The following GRID2 variants were observed in gnomAD, a reference collection of about 807,000 sequenced individuals.
GRID2 encodes glutamate ionotropic receptor delta type subunit 2.
Under a neutral mutation model 114.8 loss-of-function variants are expected in GRID2, and 33 were observed. The observed-to-expected ratio is 0.29, with a 90% CI of 0.22 to 0.38. The LOEUF (loss-of-function observed/expected upper bound fraction) is 0.38, where lower values mean the gene tolerates loss of function less well. Among genes scored for constraint, GRID2 ranks in the 10% least tolerant of loss-of-function variants. The pLI, the probability that GRID2 is intolerant of heterozygous loss-of-function variation, is 1.00. For synonymous variants in GRID2, 505 were observed against 449.9 expected, an observed-to-expected ratio of 1.12 and a Z score of -1.55; for missense variants, 1,184 against 1,257.7, an observed-to-expected ratio of 0.94 and a Z score of 0.89.
chr4:92,477,388 A>C (rs1367297265), intron 1 of GRID2, among the ~76,000 whole-genome samples: 1 of 152,034 alleles, frequency 6.6e-6, no homozygotes, highest in Non-Finnish European at 1.5e-5. Flanking sequence ...AAGTTTATAG[A>C]TACAGTTTCC....
intron 13 of GRID2, among the ~76,000 whole-genome samples, chr4:93,599,021 G>A (rs1739405991): frequency 1.3e-5 from 2 of 152,006 alleles, no homozygotes; most frequent in African/African-American, 4.8e-5. Flanking sequence ...ATATAATCTA[G>A]ACTAAGAAAA....
At chr4:92,479,855 G>A (rs190313534) in intron 1 of GRID2, among the ~76,000 whole-genome samples, 148 of 152,232 alleles carry the variant, frequency 9.7e-4, no homozygotes, top group African/African-American at 3.4e-3. Context: ...GGAGAAAATA[G>A]AGAGGCAATT....
At chr4:92,695,559 G>A (rs962727689) in intron 2 of GRID2, among the ~76,000 whole-genome samples, 10 of 151,860 alleles carry the variant, frequency 6.6e-5, no homozygotes, top group Admixed American at 5.9e-4. Context: ...CTAGTTATGG[G>A]AGATTTAGTG....
intron 1 of GRID2, among the ~76,000 whole-genome samples, chr4:92,442,596 T>C (rs1733169852): frequency 6.6e-6 from 1 of 151,972 alleles, no homozygotes; most frequent in Non-Finnish European, 1.5e-5. Flanking sequence ...TTAAATCCTG[T>C]TGTGGGGTTT....
intron 2 of GRID2, among the ~76,000 whole-genome samples, chr4:92,591,213 CT>C (rs2149211767): frequency 6.6e-6 from 1 of 152,240 alleles, no homozygotes; most frequent in Non-Finnish European, 1.5e-5. Context: ...TTGCCTGCCC[CT>C]TCTGCCATTC....
At chr4:93,317,018 T>C (rs1028626457) in intron 8 of GRID2, among the ~76,000 whole-genome samples, 4 of 152,156 alleles carry the variant, frequency 2.6e-5, no homozygotes, top group Admixed American at 2.0e-4. Context: ...CTAAAGCTCA[T>C]TACCTTAATT....
Position 93,017,202 on chromosome 4 carries a change from A to T in GRID2, c.245-67793A>T, listed in dbSNP as rs555182914. Among the ~76,000 whole-genome samples the T allele has an allele frequency of 3.9e-5, 6 of 152,334 alleles. No homozygotes were observed. The East Asian group carries it at 1.2e-3, about 29-fold the overall frequency. On this transcript the variant is annotated intron_variant, in intron 2 of 15. Transcript: ENST00000282020. Reference sequence around the variant, plus strand: ...CAAAACCAAGAATAGGAATGTTATTATACAAATTACTCAATAGCAATTTTG... The same window carrying T: ...CAAAACCAAGAATAGGAATGTTATTTTACAAATTACTCAATAGCAATTTTG...
At chr4:93,250,756 T>TTA (rs60640309) in intron 8 of GRID2, among the ~76,000 whole-genome samples, 4 of 146,720 alleles carry the variant, frequency 2.7e-5, no homozygotes, top group Admixed American at 6.8e-5. Flanking sequence ...ATATATATAT[T>TTA]TATATATATA....
At chr4:92,724,986 T>C (rs953892230) in intron 2 of GRID2, among the ~76,000 whole-genome samples, 2 of 152,096 alleles carry the variant, frequency 1.3e-5, no homozygotes, top group Non-Finnish European at 2.9e-5. Context: ...ACCACAACTA[T>C]TACCACCGTT....
At chr4:92,693,969 G>A (rs2149295383) in intron 2 of GRID2, among the ~76,000 whole-genome samples, 1 of 152,238 alleles carries the variant, frequency 6.6e-6, no homozygotes, top group South Asian at 2.1e-4. Flanking sequence ...AAGAAATAAG[G>A]GAGAGGTAAG....
chr4:93,180,760 C>A (rs1190068119), intron 4 of GRID2, among the ~76,000 whole-genome samples: 1 of 152,160 alleles, frequency 6.6e-6, no homozygotes, highest in Non-Finnish European at 1.5e-5. Flanking sequence ...TCACTAGATT[C>A]AATGCTTCAT....
In GRID2 at chr4:93,237,739, T is replaced by C. The variant is rs1420527118; in HGVS notation, c.1126-632T>C. 2.6e-5 allele frequency among the ~76,000 whole-genome samples: 4 copies of C among 151,978 alleles called. No homozygotes were observed. The South Asian group carries it at 6.2e-4, about 24-fold the overall frequency. Reference sequence around the variant, plus strand: ...GTTGGATAAATGAACATCTGTCATATTGAATGAAAGATGAAGCTTGGAATT... The same window carrying C: ...GTTGGATAAATGAACATCTGTCATACTGAATGAAAGATGAAGCTTGGAATT... On this transcript the variant is annotated intron_variant, in intron 7 of 15. Transcript: ENST00000282020.
At chr4:93,197,101 C>A (rs560645475) in intron 4 of GRID2, among the ~76,000 whole-genome samples, 1 of 152,214 alleles carries the variant, frequency 6.6e-6, no homozygotes, top group African/African-American at 2.4e-5. Context: ...TAGTCTCTTT[C>A]TCTATCAGTT....
intron 12 of GRID2, among the ~76,000 whole-genome samples, chr4:93,502,696 C>A (rs1180874784): frequency 7.3e-6 from 1 of 137,680 alleles, no homozygotes; most frequent in Non-Finnish European, 1.5e-5. Flanking sequence ...TTTAATGGCT[C>A]TCTCCTCCAC....
At chr4:92,855,254 C>T (rs1744094041) in intron 2 of GRID2, among the ~76,000 whole-genome samples, 1 of 151,978 alleles carries the variant, frequency 6.6e-6, no homozygotes, top group Non-Finnish European at 1.5e-5. Context: ...GTTTCTACCT[C>T]TGTATGTCAC....
intron 2 of GRID2, among the ~76,000 whole-genome samples, chr4:92,605,593 CA>C (rs1159946366): frequency 6.6e-6 from 1 of 151,832 alleles, no homozygotes; most frequent in Non-Finnish European, 1.5e-5. Context: ...CAAAAACAAA[CA>C]AAAAACCTTT....
Position 92,607,043 on chromosome 4 carries a change from C to A in GRID2, c.244+16757C>A, listed in dbSNP as rs1369059003. 6.6e-5 allele frequency among the ~76,000 whole-genome samples: 10 copies of A among 152,120 alleles called. 1 individual carries two copies. In the East Asian group the frequency reaches 1.7e-3, roughly 27 times the overall value. On this transcript the variant is annotated intron_variant, in intron 2 of 15. Coordinates refer to ENST00000282020, the MANE Select transcript of GRID2 (RefSeq NM_001510.4). ...GCAGTAAGTCTGAGCAGAAACACAG[C>A]TATCTCCAAATTGCCAATACACAGC... is the stretch of plus-strand genomic sequence containing the variant.
chr4:92,655,880 T>G (rs1369226555), intron 2 of GRID2, among the ~76,000 whole-genome samples: 1 of 151,798 alleles, frequency 6.6e-6, no homozygotes, highest in Non-Finnish European at 1.5e-5. Flanking sequence ...CTGATTGCAC[T>G]GGCTAAGATT....
intron 14 of GRID2, among the ~76,000 whole-genome samples, chr4:93,764,692 A>G (rs911782893): frequency 3.3e-5 from 5 of 152,190 alleles, no homozygotes; most frequent in South Asian, 2.1e-4. Context: ...TTAGTTCATC[A>G]CAGTCTAATA....
Sources: gnomAD v4.1 joint callset for allele counts (sites outside exome capture counted in the v4.1 genomes callset) on GRCh38, gnomAD v4.1.1 for gene constraint, MANE v1.5 for transcripts, NCBI Gene and HGNC (gene_info 2026-07-23, HGNC 2026-07-21) for gene names.